UGT2A2: variants seen among roughly 807,000 people sequenced by gnomAD.
UGT2A2 encodes the protein UDP glucuronosyltransferase family 2 member A2.
Under a neutral mutation model 50.7 loss-of-function variants are expected in UGT2A2, and 60 were observed. The observed-to-expected ratio is 1.18, with a 90% CI of 0.96 to 1.47. The LOEUF is 1.47. Ranked by LOEUF, UGT2A2 falls within the 40% of genes most tolerant of loss-of-function variation. UGT2A2 has a pLI of 0.00. For synonymous variants in UGT2A2, 242 were observed against 214.6 expected, an observed-to-expected ratio of 1.13 and a Z score of -1.11; for missense variants, 762 against 634.0, an observed-to-expected ratio of 1.20 and a Z score of -2.17.
rs11441625 is a variant in UGT2A2 at position 69,628,283 on chromosome 4, C to CAA, written c.742+10614_742+10615dup. Among the ~76,000 whole-genome samples, 6 of 151,330 alleles carry CAA rather than the reference C, an allele frequency of 4.0e-5. No homozygotes were observed. The East Asian group carries it at 5.8e-4, about 15-fold the overall frequency. ...CAAAACCAAAATTTATATGGAGCCACAAAAAAACAAATATTCAAAGCAACT... is the reference window on the plus strand; with the variant it reads ...CAAAACCAAAATTTATATGGAGCCACAAAAAAAAACAAATATTCAAAGCAACT... On this transcript the variant is annotated intron_variant, in intron 1 of 5. Coordinates refer to ENST00000604629, the MANE Select transcript of UGT2A2 (RefSeq NM_001105677.2).
At chr4:69,620,950 T>C (rs1720717472) in intron 1 of UGT2A2, among the ~76,000 whole-genome samples, 2 of 152,090 alleles carry the variant, frequency 1.3e-5, no homozygotes, top group African/African-American at 4.8e-5. Context: ...GCTAGCCATA[T>C]ACAGAATACC....
Position 69,599,232 on chromosome 4 carries a change from T to C in UGT2A2, c.891+14A>G. 1.9e-6 allele frequency: 3 copies of C among 1,594,616 alleles called. No individual in the cohort carries two copies. In the African/African-American group the frequency reaches 4.1e-5, roughly 22 times the overall value. On this transcript the variant is annotated intron_variant, in intron 2 of 5. Transcript: ENST00000604629. ...TTATGAAGAGCATAAAATCCTCCAC[T>C]GTTGTAGACCTACCTTAGGTAAAGG...
chr4:69,603,376 A>G lies in UGT2A2; in HGVS notation c.743-3982T>C. On this transcript the variant is annotated intron_variant, in intron 1 of 5. Transcript: ENST00000604629. ...GCATGCAGGAAAAAATGTTTTCAAT[A>G]AATAGTGATGGGACAGCTCCTTACC... Among the ~76,000 whole-genome samples the G allele has an allele frequency of 1.5e-5, 2 of 137,412 alleles. 1 individual carries two copies. The allele number at this position is 137,412 out of a possible 152,430, so 90.1% of individuals were successfully genotyped here.
At chr4:69,618,710 A>G (rs934078451) in intron 1 of UGT2A2, among the ~76,000 whole-genome samples, 8 of 152,010 alleles carry the variant, frequency 5.3e-5, no homozygotes, top group African/African-American at 1.9e-4. Context: ...TCTAAGTTCA[A>G]TCAATTCTAT....
intron 5 of UGT2A2, 50 bp downstream of exon 5, chr4:69,594,427 T>G (rs765871805): frequency 6.3e-7 from 1 of 1,590,764 alleles, no homozygotes; most frequent in Non-Finnish European, 8.6e-7. Flanking sequence ...TCTGGTATTA[T>G]GAATAATGTA....
Position 69,588,481 on chromosome 4 carries a change from A to T in UGT2A2, c.*891T>A, listed in dbSNP as rs1478557934. ...ATTAAACTTTTGATTACAAATAGTG[A>T]TTATATATTATGAACATTAGTGATT... On this transcript the variant is annotated 3_prime_UTR_variant, in exon 6 of 6. Transcript: ENST00000604629. 6.6e-6 allele frequency: 1 copy of T among 152,108 alleles called. No individual in the cohort carries two copies. Among genetic ancestry groups the T allele is most frequent in the Non-Finnish European group, 1.5e-5 (1 of 67,986 alleles). 9.4% of individuals were successfully genotyped at this position (152,108 alleles called of 1,614,324 possible). A position where few individuals can be genotyped will look rare whatever the true frequency, so the allele number is the denominator to read the frequency against.
chr4:69,611,564 G>GTATTTCTA (rs1560477866), intron 1 of UGT2A2, among the ~76,000 whole-genome samples: 4 of 151,992 alleles, frequency 2.6e-5, no homozygotes, highest in African/African-American at 9.7e-5. Flanking sequence ...CTCCAAATCT[G>GTATTTCTA]TGTGTTAGCA....
chr4:69,610,078 A>G (rs1047913113), intron 1 of UGT2A2, among the ~76,000 whole-genome samples: 1 of 152,174 alleles, frequency 6.6e-6, no homozygotes. Context: ...TGGAAGAATC[A>G]TGTTTCTAAT....
chr4:69,623,636 G>A (rs999584471), intron 1 of UGT2A2, among the ~76,000 whole-genome samples: 2 of 151,300 alleles, frequency 1.3e-5, no homozygotes, highest in Non-Finnish European at 3.0e-5. Flanking sequence ...CAGTTTTAAA[G>A]AGCAAATGAG....
At chr4:69,597,715 A>AACACACAC (rs71671445) in intron 2 of UGT2A2, among the ~76,000 whole-genome samples, 71 of 150,352 alleles carry the variant, frequency 4.7e-4, no homozygotes, top group African/African-American at 1.7e-3. Flanking sequence ...TCATTAAAAT[A>AACACACAC]ACACACACAC....
chr4:69,593,139 G>C (rs1413922451), intron 5 of UGT2A2, among the ~76,000 whole-genome samples: 1 of 152,080 alleles, frequency 6.6e-6, no homozygotes, highest in Admixed American at 6.6e-5. Flanking sequence ...AAAGCAGTGA[G>C]TGAATATTGC....
chr4:69,589,482 T>C lies in UGT2A2; in HGVS notation c.1501A>G (p.Ile501Val). 1.2e-6 allele frequency: 2 copies of C among 1,614,056 alleles called. No homozygotes were observed. Among genetic ancestry groups the C allele is most frequent in the Non-Finnish European group, 1.7e-6 (2 of 1,179,996 alleles). The change falls in exon 6 of 6, where the codon ATT becomes GTT. Residue 501 changes from isoleucine to valine, a missense_variant. By Grantham distance (29) the Ile-to-Val change is conservative. Transcript: ENST00000604629. ...GTCACACAGACCAGCAAGAACCCAA[T>C]TACATCCAAAGAGTGGTACTGGAAC... ...TWFQYHSLDVIGFLLVCVTTA... is the reference protein window; with the variant it reads ...TWFQYHSLDVVGFLLVCVTTA...
Position 69,636,253 on chromosome 4 carries a change from G to A in UGT2A2, c.742+2646C>T, listed in dbSNP as rs939545402. 9.9e-5 allele frequency among the ~76,000 whole-genome samples: 15 copies of A among 152,254 alleles called. 1 individual carries two copies. Among genetic ancestry groups the A allele is most frequent in the Admixed American group, 2.6e-4 (4 of 15,296 alleles). ...GCCACAAAAATTTGACATGTTGTTA[G>A]CTCTCCTGCGGTCAAACATAATTAC... On this transcript the variant is annotated intron_variant, in intron 1 of 5. Transcript: ENST00000604629.
intron 2 of UGT2A2, among the ~76,000 whole-genome samples, chr4:69,598,855 C>T (rs1168083942): frequency 6.6e-6 from 1 of 152,044 alleles, no homozygotes; most frequent in African/African-American, 2.4e-5. Flanking sequence ...GGAATTCACC[C>T]AACAGTTTTC....
intron 1 of UGT2A2, among the ~76,000 whole-genome samples, chr4:69,626,182 C>T (rs1057446477): frequency 2.7e-5 from 4 of 150,668 alleles, no homozygotes; most frequent in Non-Finnish European, 5.9e-5. Flanking sequence ...AATATTTGGA[C>T]GCTTTGATCT....
intron 1 of UGT2A2, among the ~76,000 whole-genome samples, chr4:69,615,184 A>G (rs1429555220): frequency 1.3e-5 from 2 of 152,008 alleles, no homozygotes; most frequent in African/African-American, 4.8e-5. Context: ...CTCACCATAC[A>G]CAAAAATCAA....
intron 5 of UGT2A2, among the ~76,000 whole-genome samples, chr4:69,593,113 A>G (rs1049892410): frequency 9.9e-5 from 15 of 152,256 alleles, no homozygotes; most frequent in African/African-American, 3.6e-4. Context: ...ATTCAGATAA[A>G]AGTCATTCTC....
rs1718845649 is a variant in UGT2A2, at chr4:69,595,174, T to C, written c.1099A>G (p.Asn367Asp). ...NTQLFDWIPQNDLLGHPKTKA... is the reference protein window; with the variant it reads ...NTQLFDWIPQDDLLGHPKTKA... Reference sequence around the variant, plus strand: ...CCCACAGTCTTACCAAGAAGATCATTCTGGGGTATCCAATCAAAGAGCTGA... The same window carrying C: ...CCCACAGTCTTACCAAGAAGATCATCCTGGGGTATCCAATCAAAGAGCTGA... The change falls in exon 4 of 6, where the codon AAT (asparagine) becomes GAT (aspartate). Residue 367 changes from asparagine to aspartate, a missense_variant. Coordinates refer to ENST00000604629, the MANE Select transcript of UGT2A2 (RefSeq NM_001105677.2). The C allele has an allele frequency of 6.8e-6, 11 of 1,613,862 alleles. No individual in the cohort carries two copies. The highest frequency in any genetic ancestry group is 9.3e-6 in the Non-Finnish European group (11 of 1,179,866).
chr4:69,606,111 A>G, intron 1 of UGT2A2, among the ~76,000 whole-genome samples: 1 of 117,712 alleles, frequency 8.5e-6, no homozygotes, highest in Non-Finnish European at 1.9e-5. Context: ...CCTGGCAGAG[A>G]CACAACAAAA....
Sources: allele counts gnomAD v4.1 joint callset (sites outside exome capture counted in the v4.1 genomes callset), GRCh38; gene constraint gnomAD v4.1.1; transcripts MANE v1.5; gene names NCBI Gene and HGNC (gene_info 2026-07-23, HGNC 2026-07-21).